Variants in PTPRK observed in about 807,000 individuals in gnomAD.
The protein encoded by PTPRK is protein tyrosine phosphatase receptor type K, also known as receptor-type tyrosine-protein phosphatase kappa.
Under a neutral mutation model 178.0 loss-of-function variants are expected in PTPRK, and 75 were observed. That is an observed-to-expected ratio of 0.42 (90% CI 0.35 to 0.51). The LOEUF is 0.51. Ranked by LOEUF, PTPRK falls within the 20% of genes least tolerant of loss-of-function variation. PTPRK has a pLI of 0.02. For missense variants in PTPRK, 1,441 were observed against 1,797.8 expected (o/e 0.80, Z 3.59); for synonymous variants, 637 against 620.6 (o/e 1.03, Z -0.39).
At chr6:128,446,102 T>G (rs1445884089) in intron 1 of PTPRK, among the ~76,000 whole-genome samples, 2 of 152,164 alleles carry the variant, frequency 1.3e-5, no homozygotes, top group African/African-American at 4.8e-5. Flanking sequence ...ACCTATGACT[T>G]TGCAACCTGC....
chr6:128,055,835 G>A lies in PTPRK; in HGVS notation c.2194+8923C>T, dbSNP rs573921985. Among the ~76,000 whole-genome samples the A allele has an allele frequency of 2.6e-5, 4 of 152,156 alleles. No homozygotes were observed. The East Asian group carries it at 7.7e-4, about 29-fold the overall frequency. ...CAGGTTGATCTCAAACTCCTGGCTT[G>A]AAGGGATCTCTTGCCTTGGCTTCCC... is the stretch of plus-strand genomic sequence containing the variant. On this transcript the variant is annotated intron_variant, in intron 13 of 29. Coordinates refer to ENST00000368226, the MANE Select transcript of PTPRK (RefSeq NM_002844.4).
At chr6:128,227,005 G>T (rs1447755743) in intron 5 of PTPRK, among the ~76,000 whole-genome samples, 1 of 151,836 alleles carries the variant, frequency 6.6e-6, no homozygotes, top group Non-Finnish European at 1.5e-5. Context: ...TCTTGCCAGT[G>T]GCAAAGAAGA....
At chr6:128,172,233 A>G (rs1309811178) in intron 7 of PTPRK, among the ~76,000 whole-genome samples, 3 of 152,014 alleles carry the variant, frequency 2.0e-5, no homozygotes, top group Non-Finnish European at 4.4e-5. Context: ...CTTTGTTTTA[A>G]TAATAGGCAA....
In PTPRK at chr6:127,976,274, G is replaced by A. The variant is rs186512184; in HGVS notation, c.3969+383C>T. Among the ~76,000 whole-genome samples the A allele has an allele frequency of 3.6e-4, 52 of 143,518 alleles. 1 individual carries two copies. In the East Asian group the frequency reaches 8.3e-3, roughly 23 times the overall value. 94.2% of individuals were successfully genotyped at this position (143,518 alleles called of 152,430 possible). A position where few individuals can be genotyped will look rare whatever the true frequency, so the allele number is the denominator to read the frequency against. ...GCAGTACAGTTTCTCTGTCATTATT[G>A]TTATTGCAATGTTCTTATTTTTTTT... On this transcript the variant is annotated intron_variant, in intron 27 of 29. Transcript: ENST00000368226.
chr6:128,340,177 T>A (rs1273264935), intron 2 of PTPRK, among the ~76,000 whole-genome samples: 1 of 152,190 alleles, frequency 6.6e-6, no homozygotes, highest in Non-Finnish European at 1.5e-5. Context: ...TAAAACAGCC[T>A]CCTAAAATAA....
At chr6:128,364,575 G>A (rs1359162257) in intron 2 of PTPRK, among the ~76,000 whole-genome samples, 2 of 152,030 alleles carry the variant, frequency 1.3e-5, no homozygotes, top group East Asian at 3.9e-4. Context: ...ATAAGGCATT[G>A]TTAAGTAAGC....
chr6:127,988,511 C>T (rs1776233021), intron 21 of PTPRK, among the ~76,000 whole-genome samples: 1 of 151,810 alleles, frequency 6.6e-6, no homozygotes, highest in African/African-American at 2.4e-5. Context: ...AACCATAGTG[C>T]AATTTTAATG....
At chr6:128,213,509 A>G (rs1808638776) in intron 6 of PTPRK, among the ~76,000 whole-genome samples, 1 of 152,066 alleles carries the variant, frequency 6.6e-6, no homozygotes, top group Non-Finnish European at 1.5e-5. Flanking sequence ...TTTAAATTAC[A>G]TTCTCCAAGA....
intron 7 of PTPRK, among the ~76,000 whole-genome samples, chr6:128,115,010 C>G (rs1173164737): frequency 2.0e-5 from 3 of 151,908 alleles, no homozygotes; most frequent in African/African-American, 7.2e-5. Context: ...AAACACAGTC[C>G]CCCAGGGTGA....
chr6:128,354,842 A>G (rs1290176575), intron 2 of PTPRK, among the ~76,000 whole-genome samples: 1 of 152,198 alleles, frequency 6.6e-6, no homozygotes, highest in Non-Finnish European at 1.5e-5. Context: ...GGCCACTTTC[A>G]TCTAGACTAA....
chr6:128,036,845 C>A (rs1195691405), intron 13 of PTPRK, among the ~76,000 whole-genome samples: 4 of 151,932 alleles, frequency 2.6e-5, no homozygotes, highest in African/African-American at 4.8e-5. Flanking sequence ...GATTTTCCTG[C>A]CTCAGTCTCT....
chr6:128,228,584 C>T (rs1261675218), intron 5 of PTPRK, among the ~76,000 whole-genome samples: 4 of 149,666 alleles, frequency 2.7e-5, no homozygotes, highest in Non-Finnish European at 4.4e-5. Context: ...GGCGTGAACC[C>T]GGGAGGCGGA....
intron 2 of PTPRK, among the ~76,000 whole-genome samples, chr6:128,360,943 T>C (rs1392618055): frequency 7.9e-5 from 12 of 152,142 alleles, no homozygotes. Flanking sequence ...CTGAATTTTT[T>C]GAAATACTGA....
intron 7 of PTPRK, among the ~76,000 whole-genome samples, chr6:128,118,730 A>G (rs1268945029): frequency 6.6e-6 from 1 of 152,206 alleles, no homozygotes; most frequent in African/African-American, 2.4e-5. Context: ...GGCAACCCCA[A>G]CATTAACCTT....
At chr6:128,221,369 A>G (rs1236943496) in intron 5 of PTPRK, among the ~76,000 whole-genome samples, 3 of 150,446 alleles carry the variant, frequency 2.0e-5, no homozygotes, top group Non-Finnish European at 4.4e-5. Context: ...CTAAAAATAC[A>G]AAAAATTAGC....
At chr6:128,073,653 A>T (rs1783241661) in intron 11 of PTPRK, among the ~76,000 whole-genome samples, 1 of 152,004 alleles carries the variant, frequency 6.6e-6, no homozygotes, top group Non-Finnish European at 1.5e-5. Context: ...ACAAGGTCAT[A>T]AGCAAGCTGT....
intron 27 of PTPRK, among the ~76,000 whole-genome samples, chr6:127,974,811 G>A (rs1180760639): frequency 2.0e-5 from 3 of 151,904 alleles, no homozygotes; most frequent in African/African-American, 7.3e-5. Flanking sequence ...TTAAGTACAC[G>A]GAAATCTTTT....
chr6:128,093,391 C>T (rs1344306695), intron 7 of PTPRK, among the ~76,000 whole-genome samples: 2 of 151,488 alleles, frequency 1.3e-5, no homozygotes, highest in East Asian at 1.9e-4. Flanking sequence ...CTCAGGAGCT[C>T]GAGACCAGCA....
chr6:128,030,076 G>C (rs1233032692), intron 13 of PTPRK, among the ~76,000 whole-genome samples: 1 of 152,184 alleles, frequency 6.6e-6, no homozygotes, highest in Non-Finnish European at 1.5e-5. Context: ...ACCTAATGAA[G>C]TGAGGGCACT....
Sources: gnomAD v4.1 joint callset for allele counts (sites outside exome capture counted in the v4.1 genomes callset) on GRCh38, gnomAD v4.1.1 for gene constraint, MANE v1.5 for transcripts, NCBI Gene and HGNC (gene_info 2026-07-23, HGNC 2026-07-21) for gene names.